The following TIGD7 variants were observed in gnomAD, a reference collection of about 807,000 sequenced individuals.
TIGD7 encodes the protein tigger transposable element-derived protein 7.
In TIGD7, 26 loss-of-function variants were observed where a neutral mutation model predicts 24.8. That is an observed-to-expected ratio of 1.05 (90% CI 0.77 to 1.45). The LOEUF is 1.45. TIGD7 is among the 40% of genes most tolerant of loss of function. The pLI is 0.00. For missense variants in TIGD7, 679 were observed against 641.6 expected, an observed-to-expected ratio of 1.06 and a Z score of -0.63; for synonymous variants, 221 against 224.1, an observed-to-expected ratio of 0.99 and a Z score of 0.12.
At chr16:3,303,131 C>G (rs1486665553) in intron 1 of TIGD7, among the ~76,000 whole-genome samples, 1 of 152,180 alleles carries the variant, frequency 6.6e-6, no homozygotes, top group Non-Finnish European at 1.5e-5. Flanking sequence ...AGCCACTGCG[C>G]CCAGCCACAG....
rs1336115538 is a variant in TIGD7, at chr16:3,299,173, C to A, written c.1442G>T (p.Arg481Ile). The part of the protein sequence containing the change: ...QTAEFKLSAV[R>I]ESLDYLLDFV... ...GTCAAGAAGGTAGTCCAAACTCTCT[C>A]TTACAGCAGATAATTTAAATTCAGC... The change falls in exon 2 of 2, where the codon AGA becomes ATA. Residue 481 changes from arginine (R) to isoleucine (I), a missense_variant. Coordinates refer to ENST00000396862, the MANE Select transcript of TIGD7 (RefSeq NM_033208.4). 1.9e-6 allele frequency: 3 copies of A among 1,584,674 alleles called. No homozygotes were observed. Among genetic ancestry groups the A allele is most frequent in the African/African-American group, 2.7e-5 (2 of 73,526 alleles).
At position 3,299,227 on chromosome 16, in the gene TIGD7, T is replaced by A. The variant is rs769947226; in HGVS notation, c.1388A>T (p.Gln463Leu). Residue 463 changes from glutamine to leucine, a missense_variant, in exon 2 of 2, where the codon CAA (glutamine) becomes CTA (leucine). By Grantham distance (113) the Gln-to-Leu change is moderately radical. Coordinates refer to ENST00000396862, the MANE Select transcript of TIGD7 (RefSeq NM_033208.4). ...TKGGITKEVVQKGGEAEKQTA... is the reference protein window; with the variant it reads ...TKGGITKEVVLKGGEAEKQTA... ...CTGCTTCTCAGCTTCTCCTCCTTTT[T>A]GAACAACTTCCTTTGTTATTCCACC... 3 of 1,609,778 alleles carry A rather than the reference T, an allele frequency of 1.9e-6. No homozygotes were observed. The highest frequency in any genetic ancestry group is 8.5e-7 in the Non-Finnish European group (1 of 1,178,780).
Position 3,300,455 on chromosome 16 carries a change from C to T in TIGD7, c.160G>A (p.Asp54Asn). Residue 54 changes from aspartate to asparagine, a missense_variant, in exon 2 of 2, where the codon GAC (aspartate) becomes AAC (asparagine). Asp to Asn is a conservative substitution (Grantham distance 23). Transcript: ENST00000396862. ...DIKKNKKLIL[D>N]FVLKQDMPLV... ...GGCATGTCCTGCTTCAGTACAAAGTCCAGAATTAACTTCTTATTTTTTTTA... is the reference window on the plus strand; with the variant it reads ...GGCATGTCCTGCTTCAGTACAAAGTTCAGAATTAACTTCTTATTTTTTTTA... 1 of 1,614,118 alleles carries T rather than the reference C, an allele frequency of 6.2e-7. No homozygotes were observed. The highest frequency in any genetic ancestry group is 8.5e-7 in the Non-Finnish European group (1 of 1,180,042).
chr16:3,303,108 G>T (rs951363520), intron 1 of TIGD7, among the ~76,000 whole-genome samples: 5 of 152,140 alleles, frequency 3.3e-5, no homozygotes, highest in African/African-American at 9.7e-5. Flanking sequence ...AAAGTGCTGG[G>T]ATTACAGGTG....
chr16:3,304,307 A>G (rs926755171), intron 1 of TIGD7, among the ~76,000 whole-genome samples: 3 of 151,922 alleles, frequency 2.0e-5, no homozygotes, highest in Admixed American at 2.0e-4. Context: ...TAAAGCCTTT[A>G]CTCCTACCCT....
chr16:3,305,145 G>C (rs553213994), intron 1 of TIGD7, 67 bp downstream of exon 1: 1 of 152,352 alleles, frequency 6.6e-6, no homozygotes, highest in South Asian at 2.1e-4. Context: ...GCAACAGCTC[G>C]AGCACGGCCG....
At position 3,299,716 on chromosome 16, in the gene TIGD7, G is replaced by C. The variant is rs1236384070; in HGVS notation, c.899C>G (p.Ala300Gly). The C allele has an allele frequency of 6.5e-7, 1 of 1,535,890 alleles. No homozygotes were observed. The highest frequency in any genetic ancestry group is 1.4e-5 in the African/African-American group (1 of 72,044). Residue 300 changes from alanine to glycine, a missense_variant, in exon 2 of 2, where the codon GCT becomes GGT. By Grantham distance (60) the Ala-to-Gly change is moderately conservative (BLOSUM62 0). Coordinates refer to ENST00000396862, the MANE Select transcript of TIGD7 (RefSeq NM_033208.4). ...GGTTAGGGATTCAGAGGAAGGATGA[G>C]CCGGGCAACTGTCCAGAAGTAACAA... ...RALLLLDSCP[A>G]HPSSESLTSE...
chr16:3,304,232 C>G (rs1303307144), intron 1 of TIGD7, among the ~76,000 whole-genome samples: 1 of 152,192 alleles, frequency 6.6e-6, no homozygotes, highest in Non-Finnish European at 1.5e-5. Flanking sequence ...AAAACTCTTC[C>G]TCTAAATGCA....
chr16:3,298,969 T>C lies in TIGD7; in HGVS notation c.1646A>G (p.His549Arg), dbSNP rs1959848200. 1.6e-6 allele frequency: 2 copies of C among 1,226,554 alleles called. No individual in the cohort carries two copies. The highest frequency in any genetic ancestry group is 2.1e-6 in the Non-Finnish European group (2 of 940,388). The allele number at this position is 1,226,554 out of a possible 1,614,324, so 76.0% of individuals were successfully genotyped here. A position where few individuals can be genotyped will look rare whatever the true frequency, so the allele number is the denominator to read the frequency against. Residue 549 changes from histidine (H) to arginine (R), a missense_variant, in exon 2 of 2, where the codon CAT (histidine) becomes CGT (arginine). By Grantham distance (29) the His-to-Arg change is conservative. Transcript: ENST00000396862. Reference sequence around the variant, plus strand: ...AGAAATCTTTAAACACAAAATCTAATGATTAGAACCAGAAGTTGAAGGCCC... The same window carrying C: ...AGAAATCTTTAAACACAAAATCTAACGATTAGAACCAGAAGTTGAAGGCCC... The part of the protein sequence containing the change: ...FSGPSTSGSN[H>R]
Position 3,300,761 on chromosome 16 carries a change from AG to A in TIGD7, c.-148del, listed in dbSNP as rs1959917960. ...ATTGTATTGGAGGATAATGGACTGA[AG>A]GGGCTAACCATGACTGAAGAGCTAG... On this transcript the variant is annotated 5_prime_UTR_variant, in exon 2 of 2. The change abolishes the stop of an existing upstream ORF in the 5' untranslated region. Coordinates refer to ENST00000396862, the MANE Select transcript of TIGD7 (RefSeq NM_033208.4). 3 of 1,362,892 alleles carry A rather than the reference AG, an allele frequency of 2.2e-6. No homozygotes were observed. Among genetic ancestry groups the A allele is most frequent in the Non-Finnish European group, 2.9e-6 (3 of 1,026,980 alleles). 84.4% of individuals were successfully genotyped at this position (1,362,892 alleles called of 1,614,324 possible).
chr16:3,303,944 T>A (rs970871943), intron 1 of TIGD7: 28 of 152,374 alleles, frequency 1.8e-4, no homozygotes, highest in African/African-American at 6.5e-4. Context: ...GCCATTCTCC[T>A]GCCTCAGCCT....
chr16:3,299,025 A>G lies in TIGD7; in HGVS notation c.1590T>C (p.Pro530=). The change falls in exon 2 of 2, where the codon CCT becomes CCC. Residue 530 remains proline, a synonymous_variant. Transcript: ENST00000396862. ...IHSRIGSFLK[P]RPHNIKDSFS... ...AGGAGTCCTTAATATTATGAGGCCT[A>G]GGTTTCAAAAAGCTACCAATTCTAG... 2.2e-6 allele frequency: 3 copies of G among 1,378,476 alleles called. No individual in the cohort carries two copies. Among genetic ancestry groups the G allele is most frequent in the Non-Finnish European group, 2.8e-6 (3 of 1,059,486 alleles). 85.4% of individuals were successfully genotyped at this position (1,378,476 alleles called of 1,614,324 possible).
rs755611172 is a variant in TIGD7 at position 3,299,002 on chromosome 16, G to C, written c.1613C>G (p.Ser538Cys). ...LKPRPHNIKD[S>C]FSGPSTSGSN... is the part of the protein sequence containing the mutation. ...ACCAGAAGTTGAAGGCCCACTGAAG[G>C]AGTCCTTAATATTATGAGGCCTAGG... The change falls in exon 2 of 2, where the codon TCC becomes TGC. Residue 538 changes from serine to cysteine, a missense_variant. Physicochemically the swap from Ser to Cys is moderately radical, Grantham distance 112 (BLOSUM62 -1). Transcript: ENST00000396862. The C allele has an allele frequency of 7.5e-7, 1 of 1,324,684 alleles. No individual in the cohort carries two copies. The highest frequency in any genetic ancestry group is 9.8e-7 in the Non-Finnish European group (1 of 1,024,938). The allele number at this position is 1,324,684 out of a possible 1,614,324, so 82.1% of individuals were successfully genotyped here. A position where few individuals can be genotyped will look rare whatever the true frequency, so the allele number is the denominator to read the frequency against.
rs1211889452 is a variant in TIGD7 at position 3,299,735 on chromosome 16, G to T, written c.880C>A (p.Leu294Ile). The change falls in exon 2 of 2, where the codon CTT (leucine) becomes ATT (isoleucine). Residue 294 changes from leucine (L) to isoleucine (I), a missense_variant. Transcript: ENST00000396862. ...GGATGAGCCGGGCAACTGTCCAGAAGTAACAATGCCCTGACGTCCTCGTCA... is the reference window on the plus strand; with the variant it reads ...GGATGAGCCGGGCAACTGTCCAGAATTAACAATGCCCTGACGTCCTCGTCA... ...FHDEDVRALL[L>I]LDSCPAHPSS... The T allele has an allele frequency of 6.5e-7, 1 of 1,541,026 alleles. No homozygotes were observed. Among genetic ancestry groups the T allele is most frequent in the African/African-American group, 1.4e-5 (1 of 72,220 alleles).
At chr16:3,304,290 C>T (rs951770393) in intron 1 of TIGD7, among the ~76,000 whole-genome samples, 1 of 152,170 alleles carries the variant, frequency 6.6e-6, no homozygotes, top group Non-Finnish European at 1.5e-5. Context: ...CTAATGTTTC[C>T]AGCTTTTAAA....
At chr16:3,304,019 G>T (rs1960029412) in intron 1 of TIGD7, 1 of 152,030 alleles carries the variant, frequency 6.6e-6, no homozygotes, top group African/African-American at 2.4e-5. Flanking sequence ...GTATTTTTTA[G>T]TAGAGACGGG....
At chr16:3,302,428 T>C (rs994360950) in intron 1 of TIGD7, among the ~76,000 whole-genome samples, 6 of 152,246 alleles carry the variant, frequency 3.9e-5, no homozygotes, top group African/African-American at 1.2e-4. Flanking sequence ...ACCTGGCCCA[T>C]AGAATTCTCT....
chr16:3,299,640 G>A lies in TIGD7; in HGVS notation c.975C>T (p.Thr325=). The A allele has an allele frequency of 6.4e-7, 1 of 1,564,690 alleles. No homozygotes were observed. The highest frequency in any genetic ancestry group is 2.2e-5 in the East Asian group (1 of 44,464). The change falls in exon 2 of 2, where the codon ACC becomes ACT. Residue 325 remains threonine, a synonymous_variant. Coordinates refer to ENST00000396862, the MANE Select transcript of TIGD7 (RefSeq NM_033208.4). The part of the protein sequence containing the change: ...KCMFFPHNTS[T]LIQPMNQGVI... ...CACCTTGATTCATTGGTTGAATCAA[G>A]GTTGAAGTGTTATGGGGGAAGAACA...
At chr16:3,304,700 C>T (rs910412614) in intron 1 of TIGD7, 1 of 152,188 alleles carries the variant, frequency 6.6e-6, no homozygotes, top group African/African-American at 2.4e-5. Context: ...GATCACTGAA[C>T]ACCCAAAACA....
Sources: allele counts gnomAD v4.1 joint callset (sites outside exome capture counted in the v4.1 genomes callset), GRCh38; gene constraint gnomAD v4.1.1; transcripts MANE v1.5; gene names NCBI Gene and HGNC (gene_info 2026-07-23, HGNC 2026-07-21).